Variants in RNF212 observed in about 807,000 individuals in gnomAD.
The protein encoded by RNF212 is probable E3 SUMO-protein ligase RNF212.
RNF212 carries 33 observed loss-of-function variants against 34.7 expected under a neutral mutation model. That is an observed-to-expected ratio of 0.95 (90% CI 0.72 to 1.27). The LOEUF (loss-of-function observed/expected upper bound fraction) is 1.27, where lower values mean the gene tolerates loss of function less well. RNF212 is among the 50% of genes most tolerant of loss of function. RNF212 has a pLI of 0.00. For synonymous variants in RNF212, 140 were observed against 136.1 expected, an observed-to-expected ratio of 1.03 and a Z score of -0.20; for missense variants, 377 against 362.2, an observed-to-expected ratio of 1.04 and a Z score of -0.33.
chr4:1,068,389 T>C (rs192347704), downstream of RNF212, among the ~76,000 whole-genome samples: 459 of 152,350 alleles, frequency 3.0e-3, 1 homozygote, highest in Non-Finnish European at 5.5e-3. Flanking sequence ...TACAACGTCA[T>C]GTAAAAATCC....
intron 3 of RNF212, among the ~76,000 whole-genome samples, chr4:1,061,747 C>T (rs539584082): frequency 3.3e-5 from 5 of 152,276 alleles, no homozygotes; most frequent in African/African-American, 7.2e-5. Context: ...CTGCGGCTGC[C>T]GTGGACACAG....
rs995182739 is a variant in RNF212 at position 1,111,648 on chromosome 4, C to G, written c.109+1708G>C. On this transcript the variant is annotated intron_variant, in intron 1 of 9. Transcript: ENST00000433731. ...TCAGCTGCAGTCTCTCCCACAGTTT[C>G]TATCTCCCTCCAATCTACTTTTCAC... Among the ~76,000 whole-genome samples the G allele has an allele frequency of 3.3e-5, 5 of 152,352 alleles. 1 individual carries two copies. The South Asian group carries it at 8.3e-4, about 25-fold the overall frequency.
At chr4:1,087,984 AG>A (rs1721612643) in intron 4 of RNF212, among the ~76,000 whole-genome samples, 1 of 152,098 alleles carries the variant, frequency 6.6e-6, no homozygotes, top group Non-Finnish European at 1.5e-5. Flanking sequence ...AGTTCTTTAT[AG>A]GAGTGTGATA....
Position 1,093,807 on chromosome 4 carries a change from G to T in RNF212, c.246+2958C>A, listed in dbSNP as rs368128599. ...GGATGGAGCAGGGTGAGGGGGTGAGGTGCGTCCTGGATGGTGTTTCCCTGG... is the reference window on the plus strand; with the variant it reads ...GGATGGAGCAGGGTGAGGGGGTGAGTTGCGTCCTGGATGGTGTTTCCCTGG... On this transcript the variant is annotated intron_variant, in intron 3 of 9. Coordinates refer to ENST00000433731, the MANE Select transcript of RNF212 (RefSeq NM_001131034.4). The T allele has an allele frequency of 2.6e-6, 4 of 1,536,284 alleles. No individual in the cohort carries two copies. In the African/African-American group the frequency reaches 4.1e-5, roughly 16 times the overall value.
chr4:1,089,309 C>G (rs185059352), intron 4 of RNF212, among the ~76,000 whole-genome samples: 2 of 152,340 alleles, frequency 1.3e-5, no homozygotes, highest in Admixed American at 6.5e-5. Context: ...GATTTAATGG[C>G]TGCCCTGCTG....
chr4:1,112,382 G>A (rs1325776886), intron 1 of RNF212, among the ~76,000 whole-genome samples: 1 of 152,124 alleles, frequency 6.6e-6, no homozygotes, highest in Non-Finnish European at 1.5e-5. Flanking sequence ...AGGGCTGTGA[G>A]CCACCGGCAC....
At chr4:1,093,299 A>T in intron 3 of RNF212, 1 of 863,674 alleles carries the variant, frequency 1.2e-6, no homozygotes, top group Non-Finnish European at 1.6e-6. Context: ...ATTAGAAATT[A>T]AGACTGAGAC....
chr4:1,093,912 T>A (rs1000620537), intron 3 of RNF212: 5 of 1,536,230 alleles, frequency 3.3e-6, no homozygotes, highest in Non-Finnish European at 3.5e-6. Flanking sequence ...TGGGGATCTC[T>A]GGCTGCTGCT....
At chr4:1,075,204 T>A (rs540050923) in intron 8 of RNF212, among the ~76,000 whole-genome samples, 4 of 152,334 alleles carry the variant, frequency 2.6e-5, no homozygotes, top group Non-Finnish European at 5.9e-5. Flanking sequence ...ACATCTGCAT[T>A]TGGCTGCCTA....
chr4:1,101,256 T>C (rs1723940160), intron 2 of RNF212: 1 of 334,204 alleles, frequency 3.0e-6, no homozygotes, highest in Non-Finnish European at 5.9e-6. Flanking sequence ...TCAAGTTATA[T>C]CCTTCTGGTC....
chr4:1,089,332 G>C (rs1721824763), intron 4 of RNF212, among the ~76,000 whole-genome samples: 1 of 152,226 alleles, frequency 6.6e-6, no homozygotes, highest in African/African-American at 2.4e-5. Flanking sequence ...TTCTGGACTT[G>C]CATGGGGCCT....
intron 3 of RNF212, among the ~76,000 whole-genome samples, chr4:1,061,359 G>A (rs1717737155): frequency 1.3e-5 from 2 of 152,190 alleles, no homozygotes; most frequent in Admixed American, 1.3e-4. Context: ...CCATCTGCAG[G>A]ACCTGGAGAG....
intron 5 of RNF212, among the ~76,000 whole-genome samples, chr4:1,085,265 G>A (rs922478533): frequency 1.2e-4 from 18 of 152,212 alleles, no homozygotes; most frequent in African/African-American, 4.3e-4. Flanking sequence ...TTCCAGAAAT[G>A]GAATGCAGTA....
chr4:1,074,496 C>T (rs1231459043), intron 8 of RNF212, among the ~76,000 whole-genome samples: 1 of 152,196 alleles, frequency 6.6e-6, no homozygotes, highest in East Asian at 1.9e-4. Context: ...TTCCAGTACA[C>T]CGTGGAAGCC....
chr4:1,072,770 G>T lies in RNF212; in HGVS notation c.*104C>A. On this transcript the variant is annotated 3_prime_UTR_variant, in exon 10 of 10. Coordinates refer to ENST00000433731, the MANE Select transcript of RNF212 (RefSeq NM_001131034.4). ...AAGGTTAATATCCTGCACACTGAGG[G>T]CTTCCACATAAATGACAAAGGAATA... 2 of 1,458,146 alleles carry T rather than the reference G, an allele frequency of 1.4e-6. No individual in the cohort carries two copies. The allele number at this position is 1,458,146 out of a possible 1,614,324, so 90.3% of individuals were successfully genotyped here.
intron 2 of RNF212, chr4:1,100,293 T>C (rs2153059260): frequency 4.3e-6 from 1 of 234,172 alleles, no homozygotes; most frequent in Middle Eastern, 1.6e-3. Flanking sequence ...TCAGATCCAT[T>C]CCAACAACAC....
Position 1,072,265 on chromosome 4 carries a change from AACAGGTGGCGC to A in RNF212, c.*598_*608del, listed in dbSNP as rs1718579443. The A allele has an allele frequency of 8.8e-6, 1 of 113,984 alleles. No homozygotes were observed. The highest frequency in any genetic ancestry group is 1.8e-5 in the Non-Finnish European group (1 of 55,436). 7.1% of individuals were successfully genotyped at this position (113,984 alleles called of 1,614,324 possible). A position where few individuals can be genotyped will look rare whatever the true frequency, so the allele number is the denominator to read the frequency against. On this transcript the variant is annotated 3_prime_UTR_variant, in exon 10 of 10. Coordinates refer to ENST00000433731, the MANE Select transcript of RNF212 (RefSeq NM_001131034.4). ...GTTGGTGGGAGGTGGGGGAAGGATG[AACAGGTGGCGC>A]ACAGAGGATTTTTAGGGTGTGGCAC...
In RNF212 at chr4:1,113,492, C is replaced by T. The variant is rs1726156912; in HGVS notation, c.-28G>A. 2 of 1,584,612 alleles carry T rather than the reference C, an allele frequency of 1.3e-6. No homozygotes were observed. Among genetic ancestry groups the T allele is most frequent in the Non-Finnish European group, 1.7e-6 (2 of 1,161,452 alleles). Reference sequence around the variant, plus strand: ...CAGGCGGGCGACCGCAGCGGCGAGGCCGGGCCCACGCGAAGCCCACGCAAG... The same window carrying T: ...CAGGCGGGCGACCGCAGCGGCGAGGTCGGGCCCACGCGAAGCCCACGCAAG... On this transcript the variant is annotated 5_prime_UTR_variant, in exon 1 of 10. Coordinates refer to ENST00000433731, the MANE Select transcript of RNF212 (RefSeq NM_001131034.4).
At chr4:1,068,865 T>C (rs1718257873), downstream of RNF212, among the ~76,000 whole-genome samples, 2 of 152,214 alleles carry the variant, frequency 1.3e-5, no homozygotes, top group Non-Finnish European at 2.9e-5. Context: ...AACATGACCA[T>C]GTCTGGGAGG....
Sources: allele counts gnomAD v4.1 joint callset (sites outside exome capture counted in the v4.1 genomes callset), GRCh38; gene constraint gnomAD v4.1.1; transcripts MANE v1.5; gene names NCBI Gene and HGNC (gene_info 2026-07-23, HGNC 2026-07-21).